Variants in PPM1A observed in about 807,000 individuals in gnomAD.
PPM1A encodes protein phosphatase, Mg2+/Mn2+ dependent 1A.
Under a neutral mutation model 35.0 loss-of-function variants are expected in PPM1A, and 7 were observed. The ratio of observed to expected loss-of-function variants is 0.20; its 90% CI spans 0.11 to 0.38. The LOEUF (loss-of-function observed/expected upper bound fraction) is 0.38, where lower values mean the gene tolerates loss of function less well. Among genes scored for constraint, PPM1A ranks in the 10% least tolerant of loss-of-function variants. PPM1A has a pLI of 1.00. For missense variants in PPM1A, 239 were observed against 467.8 expected (o/e 0.51, Z 4.51); for synonymous variants, 153 against 167.3 (o/e 0.91, Z 0.66).
chr14:60,253,070 CTT>C (rs761964960), intron 1 of PPM1A, among the ~76,000 whole-genome samples: 18 of 152,072 alleles, frequency 1.2e-4, no homozygotes, highest in Non-Finnish European at 2.2e-4. Context: ...AAACTAGACT[CTT>C]ATACAGTTTT....
rs576498353 is a variant in PPM1A at position 60,286,625 on chromosome 14, C to T, written c.952+884C>T. 1.6e-5 allele frequency: 16 copies of T among 985,280 alleles called. No individual in the cohort carries two copies. In the African/African-American group the frequency reaches 2.6e-4, roughly 16 times the overall value. The allele number at this position is 985,280 out of a possible 1,614,324, so 61.0% of individuals were successfully genotyped here. On this transcript the variant is annotated intron_variant, in intron 3 of 5. Coordinates refer to ENST00000395076, the MANE Select transcript of PPM1A (RefSeq NM_021003.5). ...ACCTCTAATCGCATGCAAGCATTGA[C>T]CTACCACACCTACATCCCACTGTGC...
At chr14:60,287,646 G>T (rs1282445624) in intron 3 of PPM1A, 1 of 984,762 alleles carries the variant, frequency 1.0e-6, no homozygotes, top group East Asian at 1.1e-4. Flanking sequence ...AACATTTTTG[G>T]CTTCTCTGTC....
In PPM1A at chr14:60,249,244, C is replaced by T; in HGVS notation, c.-454C>T. 6.1e-6 allele frequency: 6 copies of T among 986,946 alleles called. No homozygotes were observed. Among genetic ancestry groups the T allele is most frequent in the African/African-American group, 1.8e-5 (1 of 56,838 alleles). 61.1% of individuals were successfully genotyped at this position (986,946 alleles called of 1,614,324 possible). A position where few individuals can be genotyped will look rare whatever the true frequency, so the allele number is the denominator to read the frequency against. ...CTAGAGGCGGCGGCGGCGGCGGTGG[C>T]GGCGCTAGGGACGGGAGCGCGCGCG... On this transcript the variant is annotated 5_prime_UTR_variant, in exon 1 of 6. Transcript: ENST00000395076. This position sits in a 1 kb window ranked among gnomAD's most constrained non-coding sequence, Gnocchi z 4.5.
intron 1 of PPM1A, among the ~76,000 whole-genome samples, chr14:60,279,092 T>G (rs1886087535): frequency 6.6e-6 from 1 of 152,198 alleles, no homozygotes; most frequent in Non-Finnish European, 1.5e-5. Flanking sequence ...TTACTTACTT[T>G]TATCACCTGG....
At chr14:60,279,940 T>A (rs1194388465) in intron 1 of PPM1A, among the ~76,000 whole-genome samples, 2 of 152,190 alleles carry the variant, frequency 1.3e-5, no homozygotes, top group African/African-American at 4.8e-5. Flanking sequence ...ACACTATACT[T>A]TGTGCACTGT....
At chr14:60,245,825 A>G (rs774540902), upstream of PPM1A, 210 of 1,556,436 alleles carry the variant, frequency 1.3e-4, no homozygotes, top group Non-Finnish European at 1.8e-4. This position sits in a 1 kb window ranked among gnomAD's most constrained non-coding sequence, Gnocchi z 4.2. Flanking sequence ...AATGAAATTC[A>G]TTTAGGGGCA....
chr14:60,290,121 G>T (rs962085696), intron 4 of PPM1A, among the ~76,000 whole-genome samples: 1 of 152,092 alleles, frequency 6.6e-6, no homozygotes, highest in Non-Finnish European at 1.5e-5. Flanking sequence ...TGCAGTGAGG[G>T]TTGTCTTTAT....
intron 1 of PPM1A, among the ~76,000 whole-genome samples, chr14:60,251,448 G>C (rs1332586956): frequency 1.3e-5 from 2 of 151,718 alleles, no homozygotes; most frequent in Non-Finnish European, 2.9e-5. Flanking sequence ...CCTGTTGAAG[G>C]GAACAGTGCA....
intron 3 of PPM1A, chr14:60,287,191 G>A: frequency 1.1e-6 from 1 of 942,050 alleles, no homozygotes; most frequent in Non-Finnish European, 1.3e-6. Context: ...TCTTTAGTGT[G>A]TACACTTTAA....
rs542206497 is a variant in PPM1A at position 60,278,602 on chromosome 14, ACTT to A, written c.-20-4076_-20-4074del. 3.9e-4 allele frequency among the ~76,000 whole-genome samples: 60 copies of A among 152,262 alleles called. No homozygotes were observed. In the South Asian group the frequency reaches 5.2e-3, roughly 13 times the overall value. On this transcript the variant is annotated intron_variant, in intron 1 of 5. Coordinates refer to ENST00000395076, the MANE Select transcript of PPM1A (RefSeq NM_021003.5). The stretch of plus-strand genomic sequence containing the variant: ...AAACTAGTCATTCGACAAAGATTGA[ACTT>A]CTTCTGTGTGTTAGGCTGTGCTCCA...
chr14:60,255,460 C>T (rs1403998087), intron 1 of PPM1A, among the ~76,000 whole-genome samples: 5 of 152,130 alleles, frequency 3.3e-5, no homozygotes, highest in African/African-American at 7.2e-5. Context: ...CGTGAGCCAC[C>T]GCGCCCGGCC....
intron 4 of PPM1A, among the ~76,000 whole-genome samples, chr14:60,290,393 G>A (rs1049123671): frequency 1.3e-5 from 2 of 152,082 alleles, no homozygotes; most frequent in African/African-American, 4.8e-5. Context: ...GGTTTTAGGT[G>A]TCAGGGAAGA....
chr14:60,246,617 C>A (rs1308898024), upstream of PPM1A, among the ~76,000 whole-genome samples: 1 of 152,142 alleles, frequency 6.6e-6, no homozygotes, highest in Non-Finnish European at 1.5e-5. Flanking sequence ...AACTTTCAAT[C>A]CTCTTTTTTC....
chr14:60,264,558 T>G (rs922574227), intron 1 of PPM1A, among the ~76,000 whole-genome samples: 4 of 152,242 alleles, frequency 2.6e-5, no homozygotes, highest in Non-Finnish European at 4.4e-5. Context: ...ATTTCTATGA[T>G]ATGCTTAAGT....
At chr14:60,260,416 A>G (rs1382179708) in intron 1 of PPM1A, among the ~76,000 whole-genome samples, 2 of 152,144 alleles carry the variant, frequency 1.3e-5, no homozygotes, top group African/African-American at 2.4e-5. Flanking sequence ...AAAATTTACT[A>G]TAGCATGAGT....
chr14:60,249,674 C>T lies in PPM1A; in HGVS notation c.-24C>T. The T allele has an allele frequency of 7.1e-6, 7 of 984,086 alleles. No homozygotes were observed. Among genetic ancestry groups the T allele is most frequent in the Non-Finnish European group, 8.4e-6 (7 of 829,498 alleles). 61.0% of individuals were successfully genotyped at this position (984,086 alleles called of 1,614,324 possible). On this transcript the variant is annotated 5_prime_UTR_variant, in exon 1 of 6. Transcript: ENST00000395076. The surrounding 1 kb of genome is among the most constrained non-coding windows in gnomAD (Gnocchi z 4.5). The stretch of plus-strand genomic sequence containing the variant: ...AGGGACCTGCCCGCCTGCGGCTGCT[C>T]CGGGTAAGTGCGGCGCTCGGGCCGA...
intron 1 of PPM1A, among the ~76,000 whole-genome samples, chr14:60,254,167 A>G (rs754131484): frequency 6.6e-6 from 1 of 152,208 alleles, no homozygotes; most frequent in Non-Finnish European, 1.5e-5. Context: ...GTCTTTCAGT[A>G]TAGCTTTTGC....
intron 4 of PPM1A, among the ~76,000 whole-genome samples, chr14:60,290,826 C>T (rs1270827701): frequency 6.6e-6 from 1 of 151,872 alleles, no homozygotes; most frequent in Non-Finnish European, 1.5e-5. Context: ...TATAAAATTG[C>T]TTCAAGTCAA....
intron 1 of PPM1A, among the ~76,000 whole-genome samples, chr14:60,255,162 T>TTTTG (rs1306758363): frequency 9.4e-6 from 1 of 106,718 alleles, no homozygotes; most frequent in African/African-American, 8.6e-5. Flanking sequence ...ATCATATGTT[T>TTTTG]TTTTTTTTTT....
Sources: allele counts gnomAD v4.1 joint callset (sites outside exome capture counted in the v4.1 genomes callset), GRCh38; gene constraint gnomAD v4.1.1; non-coding constraint Gnocchi (gnomAD v3.1); transcripts MANE v1.5; gene names NCBI Gene and HGNC (gene_info 2026-07-23, HGNC 2026-07-21).